Variants in EIF4G3 observed in about 807,000 individuals in gnomAD.
EIF4G3 encodes eIF-4-gamma 3.
A neutral mutation model predicts 186.4 loss-of-function variants in EIF4G3; 34 were observed. That is an observed-to-expected ratio of 0.18 (90% CI 0.14 to 0.24). EIF4G3 has a LOEUF of 0.24. EIF4G3 is among the 10% of genes least tolerant of loss of function. EIF4G3 has a pLI of 1.00. For missense variants in EIF4G3, 1,536 were observed against 1,948.5 expected (o/e 0.79, Z 3.99); for synonymous variants, 673 against 679.5 (o/e 0.99, Z 0.15).
intron 14 of EIF4G3, among the ~76,000 whole-genome samples, chr1:20,937,834 AATATATCATC>A (rs1206300399): frequency 6.6e-6 from 1 of 152,216 alleles, no homozygotes; most frequent in Non-Finnish European, 1.5e-5. Flanking sequence ...CCAAGACTTT[AATATATCATC>A]CAATTAATAT....
chr1:20,891,216 A>AT (rs752818543), intron 18 of EIF4G3, among the ~76,000 whole-genome samples: 16 of 152,216 alleles, frequency 1.1e-4, no homozygotes, highest in Non-Finnish European at 1.8e-4. Flanking sequence ...CCTTTTTGTT[A>AT]TAACTAGTTA....
intron 19 of EIF4G3, among the ~76,000 whole-genome samples, chr1:20,884,418 A>G (rs977498360): frequency 1.3e-5 from 2 of 152,210 alleles, no homozygotes; most frequent in Admixed American, 1.3e-4. Flanking sequence ...CATTATAGGT[A>G]CAGTAAGAAT....
intron 12 of EIF4G3, among the ~76,000 whole-genome samples, chr1:20,962,554 C>T (rs912218555): frequency 3.9e-5 from 6 of 152,158 alleles, no homozygotes; most frequent in African/African-American, 9.7e-5. Context: ...AGCAACTCAA[C>T]TTTTTCTTGT....
chr1:20,920,659 C>T (rs2094416828), intron 14 of EIF4G3, among the ~76,000 whole-genome samples: 1 of 152,058 alleles, frequency 6.6e-6, no homozygotes, highest in African/African-American at 2.4e-5. Context: ...ATATGGTAGA[C>T]TTTCTTACTG....
chr1:20,967,310 A>G (rs960087221), intron 12 of EIF4G3, among the ~76,000 whole-genome samples: 1 of 152,234 alleles, frequency 6.6e-6, no homozygotes, highest in Non-Finnish European at 1.5e-5. Context: ...TAACATTTTA[A>G]TATGTTTGAA....
At chr1:20,912,190 T>C (rs1002180018) in intron 14 of EIF4G3, among the ~76,000 whole-genome samples, 27 of 152,200 alleles carry the variant, frequency 1.8e-4, no homozygotes, top group Non-Finnish European at 8.8e-5. Context: ...GGCAAGAAGA[T>C]TGCCCAAGCC....
chr1:21,106,930 G>C (rs933679345), intron 2 of EIF4G3, among the ~76,000 whole-genome samples: 2 of 151,992 alleles, frequency 1.3e-5, no homozygotes, highest in Admixed American at 1.3e-4. Context: ...CAGGACAAGG[G>C]CAACTTACCT....
At chr1:21,070,109 A>G (rs956504817) in intron 3 of EIF4G3, among the ~76,000 whole-genome samples, 5 of 152,168 alleles carry the variant, frequency 3.3e-5, no homozygotes, top group Non-Finnish European at 7.4e-5. Flanking sequence ...CTGCTAATAC[A>G]ATATTATTTT....
intron 3 of EIF4G3, among the ~76,000 whole-genome samples, chr1:21,080,879 G>C (rs558298939): frequency 1.8e-4 from 27 of 152,120 alleles, no homozygotes; most frequent in African/African-American, 6.5e-4. Context: ...CCTTCTTTTA[G>C]TAATGTCATT....
intron 20 of EIF4G3, among the ~76,000 whole-genome samples, chr1:20,870,748 C>T (rs2078954498): frequency 6.6e-6 from 1 of 152,210 alleles, no homozygotes; most frequent in Non-Finnish European, 1.5e-5. Flanking sequence ...ATTCAGATGT[C>T]CTCCTCCAAA....
At position 21,046,901 on chromosome 1, in the gene EIF4G3, T is replaced by C. The variant is rs141751120; in HGVS notation, c.-67+3965A>G. 3.3e-5 allele frequency among the ~76,000 whole-genome samples: 5 copies of C among 152,186 alleles called. No homozygotes were observed. In the East Asian group the frequency reaches 9.6e-4, roughly 29 times the overall value. ...ATACATGCACACACACACATACATATATATAAATCTTGAGGAGAACCAAGT... is the reference window on the plus strand; with the variant it reads ...ATACATGCACACACACACATACATACATATAAATCTTGAGGAGAACCAAGT... On this transcript the variant is annotated intron_variant, in intron 4 of 36. Transcript: ENST00000602326.
intron 28 of EIF4G3, among the ~76,000 whole-genome samples, chr1:20,850,460 C>T (rs936336774): frequency 1.3e-5 from 2 of 152,082 alleles, no homozygotes; most frequent in Non-Finnish European, 2.9e-5. Flanking sequence ...TTAAGAGATA[C>T]AATTTATATA....
intron 4 of EIF4G3, among the ~76,000 whole-genome samples, chr1:21,019,542 T>C (rs1407537900): frequency 6.6e-6 from 1 of 152,170 alleles, no homozygotes; most frequent in African/African-American, 2.4e-5. Context: ...AAATAAAAAT[T>C]TTTATCTTTT....
At chr1:20,832,710 C>T (rs2065663548) in intron 30 of EIF4G3, among the ~76,000 whole-genome samples, 1 of 148,510 alleles carries the variant, frequency 6.7e-6, no homozygotes, top group East Asian at 2.0e-4. Flanking sequence ...AATGGTAATG[C>T]CTAGGTTTTC....
intron 14 of EIF4G3, among the ~76,000 whole-genome samples, chr1:20,931,957 T>G (rs2095331544): frequency 6.6e-6 from 1 of 152,110 alleles, no homozygotes; most frequent in African/African-American, 2.4e-5. Flanking sequence ...AGATGGTTTC[T>G]TCTAACATAA....
rs548129451 is a variant in EIF4G3 at position 21,090,555 on chromosome 1, C to T, written c.-271-1342G>A. ...TCTCTTCAAAATAAACCTTCTTGAT[C>T]AATGGTAATCATGTCTGGCACTGGG... On this transcript the variant is annotated intron_variant, in intron 2 of 36. Transcript: ENST00000602326. Among the ~76,000 whole-genome samples the T allele has an allele frequency of 2.0e-5, 3 of 152,308 alleles. No individual in the cohort carries two copies. In the South Asian group the frequency reaches 6.2e-4, roughly 32 times the overall value.
chr1:21,022,391 A>T (rs2090940585), intron 4 of EIF4G3, among the ~76,000 whole-genome samples: 1 of 152,004 alleles, frequency 6.6e-6, no homozygotes, highest in Admixed American at 6.6e-5. Flanking sequence ...GTGTAATGTG[A>T]CTCCCGTAGT....
intron 14 of EIF4G3, among the ~76,000 whole-genome samples, chr1:20,933,547 C>T (rs1558305340): frequency 6.6e-6 from 1 of 151,950 alleles, no homozygotes; most frequent in African/African-American, 2.4e-5. Flanking sequence ...CCCAGCTACT[C>T]AGGGGGCTGA....
chr1:20,941,365 G>C, intron 14 of EIF4G3, 126 bp downstream of exon 14: 1 of 1,600,338 alleles, frequency 6.2e-7, no homozygotes, highest in Non-Finnish European at 8.5e-7. Context: ...GAAGAAACCA[G>C]ACTAGGAATT....
Sources: gnomAD v4.1 joint callset for allele counts (sites outside exome capture counted in the v4.1 genomes callset) on GRCh38, gnomAD v4.1.1 for gene constraint, MANE v1.5 for transcripts, NCBI Gene and HGNC (gene_info 2026-07-23, HGNC 2026-07-21) for gene names.